The following LRRTM4 variants were observed in gnomAD, a reference collection of about 807,000 sequenced individuals.
LRRTM4 encodes the protein leucine-rich repeat transmembrane neuronal protein 4.
Under a neutral mutation model 47.6 loss-of-function variants are expected in LRRTM4, and 25 were observed. The ratio of observed to expected loss-of-function variants is 0.53; its 90% CI spans 0.38 to 0.73. The LOEUF (loss-of-function observed/expected upper bound fraction) is 0.73. Among genes scored for constraint, LRRTM4 ranks in the 30% least tolerant of loss-of-function variants. The pLI, the probability that LRRTM4 is intolerant of heterozygous loss-of-function variation, is 0.00. For missense variants in LRRTM4, 638 were observed against 713.4 expected (o/e 0.89, Z 1.20); for synonymous variants, 311 against 269.5 (o/e 1.15, Z -1.51).
intron 3 of LRRTM4, among the ~76,000 whole-genome samples, chr2:76,766,096 A>G (rs924140095): frequency 2.6e-5 from 4 of 152,232 alleles, no homozygotes; most frequent in African/African-American, 9.6e-5. Flanking sequence ...TCTCCAGAGA[A>G]AGTACCTCTG....
intron 3 of LRRTM4, chr2:77,517,819 C>T (rs1198077598): frequency 2.0e-6 from 2 of 985,528 alleles, no homozygotes; most frequent in South Asian, 4.7e-5. Flanking sequence ...CTGTTGCATG[C>T]TTTCATTAAA....
intron 3 of LRRTM4, among the ~76,000 whole-genome samples, chr2:76,891,835 A>T (rs1221681931): frequency 1.3e-5 from 2 of 151,780 alleles, no homozygotes; most frequent in African/African-American, 4.8e-5. Context: ...CTCAATTCGG[A>T]TGCAAAAAAG....
At chr2:77,493,547 A>G (rs949334104) in intron 3 of LRRTM4, among the ~76,000 whole-genome samples, 1 of 152,040 alleles carries the variant, frequency 6.6e-6, no homozygotes, top group Non-Finnish European at 1.5e-5. Context: ...TCACTCTGCA[A>G]ATATAGTTGA....
At chr2:77,285,340 T>TTATATA (rs10527679) in intron 3 of LRRTM4, among the ~76,000 whole-genome samples, 2,519 of 82,594 alleles carry the variant, frequency 0.03, 202 homozygotes, top group African/African-American at 0.084. Flanking sequence ...AGCATTAAAT[T>TTATATA]TATATATATA....
chr2:76,956,703 A>T (rs966868883), intron 3 of LRRTM4, among the ~76,000 whole-genome samples: 2 of 151,212 alleles, frequency 1.3e-5, no homozygotes, highest in African/African-American at 4.8e-5. Flanking sequence ...CCTTTAGGAA[A>T]CTAAGAAAAA....
chr2:77,128,441 T>A (rs940740948), intron 3 of LRRTM4, among the ~76,000 whole-genome samples: 51 of 142,120 alleles, frequency 3.6e-4, no homozygotes, highest in African/African-American at 1.4e-3. Context: ...CCATCAAATT[T>A]AAAACTAAAA....
At chr2:76,810,405 TGTTTTCTTATAATCTTATCACACTGA>T (rs1267037110) in intron 3 of LRRTM4, among the ~76,000 whole-genome samples, 1 of 152,212 alleles carries the variant, frequency 6.6e-6, no homozygotes, top group Non-Finnish European at 1.5e-5. Context: ...ATAGAATAAC[TGTTTTCTTATAATCTTATCACACTGA>T]GTTTTATTAT....
At chr2:76,956,219 T>G (rs945631267) in intron 3 of LRRTM4, among the ~76,000 whole-genome samples, 1 of 151,684 alleles carries the variant, frequency 6.6e-6, no homozygotes, top group African/African-American at 2.4e-5. Context: ...TTTAACAAAT[T>G]TAAGAAGACT....
chr2:76,881,658 C>T lies in LRRTM4; in HGVS notation c.1552-132742G>A, dbSNP rs552883589. On this transcript the variant is annotated intron_variant, in intron 3 of 3. Transcript: ENST00000409884. The stretch of plus-strand genomic sequence containing the variant: ...CTACTTCTTTTTTTCTAATAACCAC[C>T]ATGAAAAGTAAAATAGAGCTTCTTT... 2.0e-5 allele frequency among the ~76,000 whole-genome samples: 3 copies of T among 151,812 alleles called. No individual in the cohort carries two copies. The East Asian group carries it at 5.8e-4, about 30-fold the overall frequency.
Position 77,173,239 on chromosome 2 carries a change from C to T in LRRTM4, c.1551+345079G>A, listed in dbSNP as rs545773442. ...ATGATTTCATTTTCTTTGGTCAGAT[C>T]ATAATGATTACAAATTAATATTGTT... On this transcript the variant is annotated intron_variant, in intron 3 of 3. Coordinates refer to ENST00000409884, the MANE Select transcript of LRRTM4 (RefSeq NM_001134745.3). Among the ~76,000 whole-genome samples, 104 of 152,270 alleles carry T rather than the reference C, an allele frequency of 6.8e-4. 1 individual carries two copies. The highest frequency in any genetic ancestry group is 2.2e-3 in the African/African-American group (90 of 41,558).
At chr2:76,820,725 AAT>A (rs1418523955) in intron 3 of LRRTM4, among the ~76,000 whole-genome samples, 11 of 151,812 alleles carry the variant, frequency 7.2e-5, no homozygotes, top group African/African-American at 2.4e-4. Context: ...CATTAAAAAT[AAT>A]AGAGAAGTAT....
intron 3 of LRRTM4, among the ~76,000 whole-genome samples, chr2:77,014,523 T>TATATATATATA (rs1677989293): frequency 4.7e-5 from 7 of 149,672 alleles, no homozygotes; most frequent in Admixed American, 2.0e-4. Flanking sequence ...TATATAAAGA[T>TATATATATATA]TTTATAGGCC....
At position 77,029,082 on chromosome 2, in the gene LRRTM4, AT is replaced by A. The variant is rs1490392653; in HGVS notation, c.1552-280167del. Among the ~76,000 whole-genome samples, 26 of 144,798 alleles carry A rather than the reference AT, an allele frequency of 1.8e-4. 1 individual carries two copies. The East Asian group carries it at 5.2e-3, about 29-fold the overall frequency. The allele number at this position is 144,798 out of a possible 152,430, so 95.0% of individuals were successfully genotyped here. A position where few individuals can be genotyped will look rare whatever the true frequency, so the allele number is the denominator to read the frequency against. Reference sequence around the variant, plus strand: ...ATATATATATATATAATATATATATATTATATATATATTCATTAGCAATAAA... The same window carrying A: ...ATATATATATATATAATATATATATATATATATATATTCATTAGCAATAAA... On this transcript the variant is annotated intron_variant, in intron 3 of 3. Transcript: ENST00000409884.
chr2:77,219,566 C>T lies in LRRTM4; in HGVS notation c.1551+298752G>A, dbSNP rs986080606. Among the ~76,000 whole-genome samples, 16 of 152,172 alleles carry T rather than the reference C, an allele frequency of 1.1e-4. 1 individual carries two copies. Among genetic ancestry groups the T allele is most frequent in the Non-Finnish European group, 1.9e-4 (13 of 68,038 alleles). On this transcript the variant is annotated intron_variant, in intron 3 of 3. Coordinates refer to ENST00000409884, the MANE Select transcript of LRRTM4 (RefSeq NM_001134745.3). ...CTTCTAAGAGGAGGCTGATATTTCTCATCTCTACAATCAGACTAATAAAAG... is the reference window on the plus strand; with the variant it reads ...CTTCTAAGAGGAGGCTGATATTTCTTATCTCTACAATCAGACTAATAAAAG...
At chr2:76,852,329 C>G (rs974916121) in intron 3 of LRRTM4, among the ~76,000 whole-genome samples, 4 of 152,124 alleles carry the variant, frequency 2.6e-5, no homozygotes, top group African/African-American at 9.7e-5. Flanking sequence ...ATCCTTGAAG[C>G]CATCTCTGCT....
intron 3 of LRRTM4, among the ~76,000 whole-genome samples, chr2:77,061,365 T>C (rs369613155): frequency 6.6e-6 from 1 of 152,076 alleles, no homozygotes; most frequent in East Asian, 1.9e-4. Context: ...TTCTGTCTAG[T>C]CCACCAAAAT....
At chr2:77,341,895 C>T (rs1671385974) in intron 3 of LRRTM4, among the ~76,000 whole-genome samples, 1 of 152,042 alleles carries the variant, frequency 6.6e-6, no homozygotes, top group Admixed American at 6.6e-5. Context: ...GAATAAAAGT[C>T]TGTGAAAGGC....
intron 3 of LRRTM4, among the ~76,000 whole-genome samples, chr2:76,953,513 G>T (rs1675566184): frequency 6.6e-6 from 1 of 151,894 alleles, no homozygotes; most frequent in South Asian, 2.1e-4. Context: ...GAGGGAAAGA[G>T]AAGAGTAGAA....
At chr2:76,989,385 C>T (rs75326642) in intron 3 of LRRTM4, among the ~76,000 whole-genome samples, 2,408 of 151,756 alleles carry the variant, frequency 0.016, 63 homozygotes, top group African/African-American at 0.055. Flanking sequence ...GGGTTTGAAG[C>T]GAATTACTTC....
Sources: allele counts gnomAD v4.1 joint callset (sites outside exome capture counted in the v4.1 genomes callset), GRCh38; gene constraint gnomAD v4.1.1; transcripts MANE v1.5; gene names NCBI Gene and HGNC (gene_info 2026-07-23, HGNC 2026-07-21).